BET1: variants seen among roughly 807,000 people sequenced by gnomAD.
The protein encoded by BET1 is BET1 homolog.
In BET1, 9 loss-of-function variants were observed where a neutral mutation model predicts 13.9. That is an observed-to-expected ratio of 0.65 (90% CI 0.39 to 1.13). The LOEUF (loss-of-function observed/expected upper bound fraction) is 1.13, where lower values mean the gene tolerates loss of function less well. Ranked by LOEUF, BET1 falls within the 50% of genes most tolerant of loss-of-function variation. BET1 has a pLI of 0.01. For synonymous variants in BET1, 39 were observed against 47.3 expected, an observed-to-expected ratio of 0.82 and a Z score of 0.72; for missense variants, 127 against 133.6, an observed-to-expected ratio of 0.95 and a Z score of 0.24.
chr7:93,979,834 A>C (rs1310544138), intron 4 of BET1, among the ~76,000 whole-genome samples: 3 of 151,934 alleles, frequency 2.0e-5, no homozygotes, highest in African/African-American at 4.8e-5. Context: ...TTCTGACTAG[A>C]CTCAATGTAC....
At chr7:93,996,436 A>G in intron 2 of BET1, 115 bp from the exon 3 acceptor site, 2 of 671,832 alleles carry the variant, frequency 3.0e-6, no homozygotes, top group Non-Finnish European at 4.8e-6. Context: ...GGTCTTCTAG[A>G]CACATAAACT....
chr7:93,970,653 T>C (rs1795246702), intron 6 of BET1, among the ~76,000 whole-genome samples: 1 of 151,792 alleles, frequency 6.6e-6, no homozygotes, highest in Admixed American at 6.6e-5. Flanking sequence ...TGCTCCATAG[T>C]AAACAGTTTA....
Position 94,004,199 on chromosome 7 carries a change from C to G in BET1, c.18G>C (p.Leu6=). The G allele has an allele frequency of 6.2e-7, 1 of 1,614,062 alleles. No individual in the cohort carries two copies. Among genetic ancestry groups the G allele is most frequent in the Non-Finnish European group, 8.5e-7 (1 of 1,179,950 alleles). Residue 6 remains leucine (L), a splice_region_variant and synonymous_variant, in exon 1 of 4, where the codon CTG becomes CTC. Transcript: ENST00000222547. MRRAG[L]GEGVPPGNYG... ...TTCGAACCTCAGCCCTCTTCTTACC[C>G]AGGCCTGCACGCCTCATCCTGCCAG... is the stretch of plus-strand genomic sequence containing the variant.
chr7:93,965,775 C>T (rs1471911322), intron 6 of BET1: 3 of 151,912 alleles, frequency 2.0e-5, no homozygotes, highest in Non-Finnish European at 2.9e-5. Flanking sequence ...TCAGCAGTAA[C>T]CAAAGCAACT....
In BET1 at chr7:93,978,315, C is replaced by T. The variant is rs1440534872; in HGVS notation, c.236-2215G>A. The stretch of plus-strand genomic sequence containing the variant: ...AGCTCCTGGGCTCAAGCAATCTGCC[C>T]ACCTTGGCCTCCCAAAGTGCTGGCA... On this transcript the variant is annotated intron_variant and NMD_transcript_variant, in intron 4 of 6. Coordinates refer to the BET1 transcript ENST00000357520. Among the ~76,000 whole-genome samples the T allele has an allele frequency of 2.6e-5, 4 of 152,262 alleles. No homozygotes were observed. In the East Asian group the frequency reaches 5.8e-4, roughly 22 times the overall value.
intron 4 of BET1, among the ~76,000 whole-genome samples, chr7:93,983,442 G>A (rs1795463226): frequency 6.6e-6 from 1 of 151,998 alleles, no homozygotes; most frequent in Admixed American, 6.6e-5. Context: ...ATATTTTAGG[G>A]GATTAAAATT....
chr7:93,969,278 C>T lies in BET1; in HGVS notation c.*137+3297G>A, dbSNP rs1373139200. 2.6e-5 allele frequency among the ~76,000 whole-genome samples: 4 copies of T among 151,766 alleles called. No homozygotes were observed. In the Admixed American group the frequency reaches 2.6e-4, roughly 10 times the overall value. ...CTTATCACTCTCTGACTTTTGAGTT[C>T]ATTTATCAATTTGTTAATAACACAG... On this transcript the variant is annotated intron_variant and NMD_transcript_variant, in intron 6 of 6. Coordinates refer to the BET1 transcript ENST00000357520.
At chr7:93,968,087 T>C (rs1278696374) in intron 6 of BET1, among the ~76,000 whole-genome samples, 1 of 151,798 alleles carries the variant, frequency 6.6e-6, no homozygotes. Flanking sequence ...ACTTCCTCCA[T>C]ACTACTCCTA....
intron 5 of BET1, among the ~76,000 whole-genome samples, chr7:93,975,574 C>T (rs1247081324): frequency 6.6e-6 from 1 of 151,950 alleles, no homozygotes; most frequent in Non-Finnish European, 1.5e-5. Flanking sequence ...AAAGATAATG[C>T]AAAAATGTTT....
chr7:93,968,532 A>G (rs1438681845), intron 6 of BET1: 1 of 151,810 alleles, frequency 6.6e-6, no homozygotes. Flanking sequence ...TATTCAGTAC[A>G]TGTTTTGTAT....
exon 7 of BET1, chr7:93,964,474 C>A (rs1469196252): frequency 6.6e-6 from 1 of 152,062 alleles, no homozygotes; most frequent in Non-Finnish European, 1.5e-5. Flanking sequence ...TGTGATATTC[C>A]ATGGCATATA....
intron 2 of BET1, among the ~76,000 whole-genome samples, chr7:93,998,346 A>G (rs955362127): frequency 4.6e-5 from 7 of 152,346 alleles, no homozygotes; most frequent in African/African-American, 1.4e-4. Context: ...TCAGATCATA[A>G]TGTGCAAAAA....
intron 2 of BET1, among the ~76,000 whole-genome samples, chr7:93,997,740 T>C (rs1439710191): frequency 6.6e-6 from 1 of 152,196 alleles, no homozygotes; most frequent in Admixed American, 6.5e-5. Flanking sequence ...ATTATTAAAA[T>C]CATCTTCGTG....
chr7:93,999,433 A>T (rs1315942282), intron 1 of BET1, 139 bp from the exon 2 acceptor site: 3 of 1,102,258 alleles, frequency 2.7e-6, no homozygotes, highest in Non-Finnish European at 3.7e-6. Flanking sequence ...AAATGAATTT[A>T]AAAAATAAAT....
In BET1 at chr7:94,002,462, A is replaced by ATT. The variant is rs1396217531; in HGVS notation, c.19+1735_19+1736insAA. Reference sequence around the variant, plus strand: ...AATCACAGAAGAGCTTTTTTTTAAAAAAAAAAAAAAAAGAAAGAAAAAAAA... The same window carrying ATT: ...AATCACAGAAGAGCTTTTTTTTAAAATTAAAAAAAAAAAAGAAAGAAAAAAAA... On this transcript the variant is annotated intron_variant, in intron 1 of 3. Transcript: ENST00000222547. 1.6e-3 allele frequency among the ~76,000 whole-genome samples: 218 copies of ATT among 137,276 alleles called. 1 individual carries two copies. In the East Asian group the frequency reaches 0.021, roughly 13 times the overall value. 90.1% of individuals were successfully genotyped at this position (137,276 alleles called of 152,430 possible).
Position 93,999,211 on chromosome 7 carries a change from G to C in BET1, c.103C>G (p.Leu35Val). Residue 35 changes from leucine to valine, a missense_variant, in exon 2 of 4, where the codon CTC (leucine) becomes GTC (valine). Leu to Val is a conservative substitution (Grantham distance 32, BLOSUM62 1). Transcript: ENST00000222547. ...ACTTTGCTTCTCAGACTTTCAGTGA[G>C]CCTCTCATTTTCTTCTTCACAGGCA... ...YSACEEENER[L>V]TESLRSKVTA... The C allele has an allele frequency of 6.2e-7, 1 of 1,613,216 alleles. No homozygotes were observed.
exon 7 of BET1, chr7:93,964,918 T>C (rs1274444870): frequency 6.6e-6 from 1 of 151,986 alleles, no homozygotes; most frequent in African/African-American, 2.4e-5. Context: ...AGCTTGGAGA[T>C]TTCTCAACTA....
Position 93,994,185 on chromosome 7 carries a change from C to T in BET1, c.*45G>A. On this transcript the variant is annotated 3_prime_UTR_variant, in exon 4 of 4. Coordinates refer to ENST00000222547, the MANE Select transcript of BET1 (RefSeq NM_005868.6). ...GCTGATTTTTATCAAAGTGGTACTG[C>T]AAGCCATTAAGTTGGAACAAATTCC... is the stretch of plus-strand genomic sequence containing the variant. The T allele has an allele frequency of 6.4e-7, 1 of 1,563,562 alleles. No individual in the cohort carries two copies. The highest frequency in any genetic ancestry group is 8.7e-7 in the Non-Finnish European group (1 of 1,155,232).
At chr7:94,000,601 G>GT (rs1222088903) in intron 1 of BET1, among the ~76,000 whole-genome samples, 2 of 152,102 alleles carry the variant, frequency 1.3e-5, no homozygotes, top group Non-Finnish European at 2.9e-5. Flanking sequence ...CAGGTGTGTG[G>GT]TTTTTTTCTG....
Sources: allele counts gnomAD v4.1 joint callset (sites outside exome capture counted in the v4.1 genomes callset), GRCh38; gene constraint gnomAD v4.1.1; transcripts MANE v1.5; gene names NCBI Gene and HGNC (gene_info 2026-07-23, HGNC 2026-07-21).